Variants in UNC5C observed in about 807,000 individuals in gnomAD.
UNC5C encodes the protein netrin receptor UNC5C.
In UNC5C, 47 loss-of-function variants were observed where a neutral mutation model predicts 99.8. That is an observed-to-expected ratio of 0.47 (90% CI 0.37 to 0.60). UNC5C has a LOEUF of 0.60. UNC5C is among the 20% of genes least tolerant of loss of function. The pLI, the probability that UNC5C is intolerant of heterozygous loss-of-function variation, is 0.00. For synonymous variants in UNC5C, 487 were observed against 452.2 expected (o/e 1.08, Z -0.98); for missense variants, 1,062 against 1,165.9 (o/e 0.91, Z 1.30).
intron 2 of UNC5C, among the ~76,000 whole-genome samples, chr4:95,310,625 G>A (rs1742242373): frequency 6.6e-6 from 1 of 152,164 alleles, no homozygotes; most frequent in Non-Finnish European, 1.5e-5. Context: ...CTGAAACTGA[G>A]TGGTTCAAGG....
At chr4:95,397,870 TCAAAA>T (rs1745564510) in intron 1 of UNC5C, among the ~76,000 whole-genome samples, 1 of 152,132 alleles carries the variant, frequency 6.6e-6, no homozygotes, top group Non-Finnish European at 1.5e-5. Context: ...AAGACAACTA[TCAAAA>T]CATTTCTTTA....
Position 95,219,993 on chromosome 4 carries a change from G to A in UNC5C, c.1292C>T (p.Ala431Val), listed in dbSNP as rs1369302469. ...GTGGAATGTCAACTGACCTTGTCTTGCTGCCTTGATGTTCACAGGCTGAAA... is the reference window on the plus strand; with the variant it reads ...GTGGAATGTCAACTGACCTTGTCTTACTGCCTTGATGTTCACAGGCTGAAA... ...GGFQPVNIKAARQDLLAVPPD... is the reference protein window; with the variant it reads ...GGFQPVNIKAVRQDLLAVPPD... The change falls in exon 8 of 16, where the codon GCA becomes GTA. Residue 431 changes from alanine to valine, a missense_variant. Physicochemically the swap from Ala to Val is moderately conservative, Grantham distance 64. This residue lies in a region of UNC5C where 810 missense variants were observed against 854.5 expected (regional missense o/e 0.95). Transcript: ENST00000453304. The A allele has an allele frequency of 3.1e-6, 5 of 1,613,164 alleles. No individual in the cohort carries two copies. The Admixed American group carries it at 8.3e-5, about 27-fold the overall frequency.
chr4:95,452,080 TGTATATG>T (rs1747293476), intron 1 of UNC5C, among the ~76,000 whole-genome samples: 1 of 152,172 alleles, frequency 6.6e-6, no homozygotes, highest in Non-Finnish European at 1.5e-5. Flanking sequence ...AAAGTGGTAA[TGTATATG>T]GTACATTATT....
chr4:95,499,114 C>A (rs1347418917), intron 1 of UNC5C, among the ~76,000 whole-genome samples: 1 of 152,002 alleles, frequency 6.6e-6, no homozygotes. Flanking sequence ...AAATATACTT[C>A]TTATTCTAGG....
chr4:95,469,733 T>C (rs1560845141), intron 1 of UNC5C, among the ~76,000 whole-genome samples: 1 of 152,124 alleles, frequency 6.6e-6, no homozygotes, highest in Non-Finnish European at 1.5e-5. Context: ...ACTTTCAGCA[T>C]TACTAGTGGC....
At chr4:95,223,345 A>G (rs190213696) in intron 7 of UNC5C, among the ~76,000 whole-genome samples, 7 of 152,336 alleles carry the variant, frequency 4.6e-5, no homozygotes, top group Admixed American at 4.6e-4. Flanking sequence ...CTTCCTAGTA[A>G]TACTCAAGGG....
intron 4 of UNC5C, among the ~76,000 whole-genome samples, chr4:95,251,657 C>T (rs906397105): frequency 1.3e-5 from 2 of 152,164 alleles, no homozygotes; most frequent in African/African-American, 4.8e-5. Context: ...TCTCCTTTTG[C>T]ATTAGGGTGA....
intron 1 of UNC5C, among the ~76,000 whole-genome samples, chr4:95,499,939 G>A (rs1250579820): frequency 6.7e-6 from 1 of 149,682 alleles, no homozygotes; most frequent in African/African-American, 2.5e-5. Context: ...GCCATTCAGT[G>A]CAGATTTAAA....
In UNC5C at chr4:95,398,044, C is replaced by CTTTTTTTTTTTTTTTTTTTTTTTT. The variant is rs34609153; in HGVS notation, c.125-62414_125-62413insAAAAAAAAAAAAAAAAAAAAAAAA. 1.4e-4 allele frequency among the ~76,000 whole-genome samples: 13 copies of CTTTTTTTTTTTTTTTTTTTTTTTT among 95,902 alleles called. 1 individual carries two copies. Among genetic ancestry groups the CTTTTTTTTTTTTTTTTTTTTTTTT allele is most frequent in the Middle Eastern group, 6.1e-3 (1 of 164 alleles). 62.9% of individuals were successfully genotyped at this position (95,902 alleles called of 152,430 possible). ...CCCAATGAGAAGTAGCCAAATGTAG[C>CTTTTTTTTTTTTTTTTTTTTTTTT]TTTTTTTTTTTTTTTTTTTGCTTAT... On this transcript the variant is annotated intron_variant, in intron 1 of 15. Coordinates refer to ENST00000453304, the MANE Select transcript of UNC5C (RefSeq NM_003728.4).
chr4:95,480,815 A>C (rs376430524), intron 1 of UNC5C, among the ~76,000 whole-genome samples: 9 of 152,054 alleles, frequency 5.9e-5, no homozygotes, highest in East Asian at 3.9e-4. Context: ...ACAACCATTC[A>C]TGCTAAAAAC....
intron 4 of UNC5C, among the ~76,000 whole-genome samples, chr4:95,275,212 A>C (rs961895497): frequency 2.0e-5 from 3 of 152,176 alleles, no homozygotes; most frequent in Non-Finnish European, 2.9e-5. Flanking sequence ...ACTAGAGAAC[A>C]TAGGAGAGAA....
chr4:95,417,867 C>T (rs1255197788), intron 1 of UNC5C, among the ~76,000 whole-genome samples: 1 of 152,210 alleles, frequency 6.6e-6, no homozygotes, highest in African/African-American at 2.4e-5. Flanking sequence ...TATATATGAA[C>T]ACAGATAATA....
At chr4:95,180,899 T>A (rs559353325) in intron 14 of UNC5C, among the ~76,000 whole-genome samples, 2 of 152,168 alleles carry the variant, frequency 1.3e-5, no homozygotes, top group Non-Finnish European at 2.9e-5. Context: ...TCTACTTGTT[T>A]ATGGTTTGTC....
In UNC5C at chr4:95,206,684, T is replaced by C. The variant is rs762623193; in HGVS notation, c.1846A>G (p.Asn616Asp). 1.2e-6 allele frequency: 2 copies of C among 1,614,090 alleles called. No homozygotes were observed. The highest frequency in any genetic ancestry group is 2.7e-5 in the African/African-American group (2 of 75,006). ...AGCAGTATTTTCCAGTCCTCGGTAT[T>C]GGGGTCTGCGCAGTGATGCATAGTG... is the stretch of plus-strand genomic sequence containing the variant. Reference protein sequence around the residue: ...VLTMHHCADPNTEDWKILLKN... With the variant: ...VLTMHHCADPDTEDWKILLKN... The change falls in exon 11 of 16, where the codon AAT (asparagine) becomes GAT (aspartate). Residue 616 changes from asparagine to aspartate, a missense_variant. Around this residue, in one of 3 missense-constraint regions of UNC5C, gnomAD observed 810 missense variants for 854.5 expected, o/e 0.95. Transcript: ENST00000453304.
rs1553961921 is a variant in UNC5C, at chr4:95,301,667, C to A, written c.429G>T (p.Gln143His). Residue 143 changes from glutamine (Q) to histidine (H), a missense_variant, in exon 3 of 16, where the codon CAG becomes CAT. By Grantham distance (24) the Gln-to-His change is conservative. This residue lies in a region of UNC5C where 249 missense variants were observed against 295.1 expected (regional missense o/e 0.84). Coordinates refer to ENST00000453304, the MANE Select transcript of UNC5C (RefSeq NM_003728.4). Reference sequence around the variant, plus strand: ...TACCCGCGGAGCTCCAGGCCACACACTGGCACCAGTAATCTTCAGGTCCAA... The same window carrying A: ...TACCCGCGGAGCTCCAGGCCACACAATGGCACCAGTAATCTTCAGGTCCAA... ...ELFGPEDYWC[Q>H]CVAWSSAGTT... The A allele has an allele frequency of 2.5e-6, 4 of 1,613,846 alleles. No homozygotes were observed. The highest frequency in any genetic ancestry group is 3.4e-6 in the Non-Finnish European group (4 of 1,180,038).
intron 7 of UNC5C, among the ~76,000 whole-genome samples, chr4:95,236,522 T>G (rs1185678616): frequency 6.6e-6 from 1 of 151,700 alleles, no homozygotes; most frequent in East Asian, 1.9e-4. Flanking sequence ...ACGTGGCACA[T>G]GTATACATGT....
chr4:95,454,379 G>C (rs2149468598), intron 1 of UNC5C, among the ~76,000 whole-genome samples: 1 of 152,116 alleles, frequency 6.6e-6, no homozygotes, highest in South Asian at 2.1e-4. Flanking sequence ...AGAAACTTTT[G>C]ATTTAACTAG....
chr4:95,290,381 T>C (rs1038516810), intron 3 of UNC5C, among the ~76,000 whole-genome samples: 2 of 151,878 alleles, frequency 1.3e-5, no homozygotes, highest in East Asian at 3.9e-4. Context: ...TCTCAAATAT[T>C]GTAAACAATA....
intron 1 of UNC5C, among the ~76,000 whole-genome samples, chr4:95,351,962 T>C (rs1579349898): frequency 6.6e-6 from 1 of 152,188 alleles, no homozygotes; most frequent in East Asian, 1.9e-4. Flanking sequence ...CTCTATTGCT[T>C]CCTGTCCTAT....
Sources: allele counts gnomAD v4.1 joint callset (sites outside exome capture counted in the v4.1 genomes callset), GRCh38; gene constraint gnomAD v4.1.1; regional missense constraint gnomAD v4.1.1; transcripts MANE v1.5; gene names NCBI Gene and HGNC (gene_info 2026-07-23, HGNC 2026-07-21).